The following ARID1B variants were observed in gnomAD, a reference collection of about 807,000 sequenced individuals.
ARID1B encodes AT-rich interaction domain 1B.
In ARID1B, 30 loss-of-function variants were observed where a neutral mutation model predicts 212.3. The observed-to-expected ratio is 0.14, with a 90% CI of 0.11 to 0.19. ARID1B has a LOEUF of 0.19. Ranked by LOEUF, ARID1B falls within the 10% of genes least tolerant of loss-of-function variation. The probability of loss-of-function intolerance (pLI) is 1.00; values close to 1 mark genes in which losing one functional copy is unlikely to be tolerated. For synonymous variants in ARID1B, 1,402 were observed against 1,301.7 expected (o/e 1.08, Z -1.66); for missense variants, 2,891 against 3,204.0 (o/e 0.90, Z 2.36).
chr6:157,063,686 A>G (rs1783496453), intron 4 of ARID1B, among the ~76,000 whole-genome samples: 2 of 152,198 alleles, frequency 1.3e-5, no homozygotes, highest in African/African-American at 4.8e-5. Context: ...TCTCAATTTT[A>G]TTGTTATGTA....
intron 4 of ARID1B, among the ~76,000 whole-genome samples, chr6:157,068,324 A>C (rs996223728): frequency 5.9e-5 from 9 of 152,340 alleles, no homozygotes; most frequent in Middle Eastern, 3.4e-3. Flanking sequence ...CATTATGAAG[A>C]CATTCTCTTC....
At chr6:156,928,791 G>A (rs1482079717) in intron 3 of ARID1B, among the ~76,000 whole-genome samples, 3 of 152,194 alleles carry the variant, frequency 2.0e-5, no homozygotes, top group Admixed American at 1.3e-4. Context: ...CACACCTGTG[G>A]AAGAGAATTT....
At chr6:157,097,814 T>G (rs905636035) in intron 5 of ARID1B, among the ~76,000 whole-genome samples, 2 of 152,176 alleles carry the variant, frequency 1.3e-5, no homozygotes, top group African/African-American at 4.8e-5. Context: ...CTTTTTTTCT[T>G]CTCCCCTTTG....
At chr6:156,929,048 C>T (rs1791483108) in intron 3 of ARID1B, among the ~76,000 whole-genome samples, 1 of 152,210 alleles carries the variant, frequency 6.6e-6, no homozygotes, top group South Asian at 2.1e-4. Context: ...CTTTCAGTTA[C>T]TCCAGCCTAG....
chr6:156,846,557 G>C (rs1029673066), intron 2 of ARID1B, among the ~76,000 whole-genome samples: 2 of 152,092 alleles, frequency 1.3e-5, no homozygotes, highest in African/African-American at 4.8e-5. Context: ...GTGTGTGGAC[G>C]GGGCTGCGGT....
At chr6:156,868,667 G>A (rs1785892895) in intron 2 of ARID1B, among the ~76,000 whole-genome samples, 1 of 152,112 alleles carries the variant, frequency 6.6e-6, no homozygotes, top group East Asian at 1.9e-4. Context: ...GTCACCTCCC[G>A]AAGGCCCCAC....
At chr6:157,055,548 A>T (rs1782905427) in intron 4 of ARID1B, among the ~76,000 whole-genome samples, 1 of 152,234 alleles carries the variant, frequency 6.6e-6, no homozygotes, top group African/African-American at 2.4e-5. Flanking sequence ...GCTAACTTTA[A>T]CAAAAAGGAA....
intron 1 of ARID1B, among the ~76,000 whole-genome samples, chr6:156,795,312 C>T (rs192601092): frequency 5.3e-5 from 8 of 151,960 alleles, no homozygotes; most frequent in African/African-American, 1.9e-4. Flanking sequence ...ATCCATGAGT[C>T]CGAGGAAGTG....
intron 1 of ARID1B, 170 bp downstream of exon 1, chr6:156,779,641 C>T: frequency 1.7e-6 from 1 of 592,500 alleles, no homozygotes; most frequent in Non-Finnish European, 2.2e-6. Flanking sequence ...GTCGGGGCGC[C>T]CCGGGGGCCG....
intron 6 of ARID1B, among the ~76,000 whole-genome samples, chr6:157,123,912 A>G (rs1002711149): frequency 1.3e-5 from 2 of 152,248 alleles, no homozygotes; most frequent in African/African-American, 4.8e-5. Context: ...TGAACTAGTA[A>G]GTGGTGAAGA....
intron 7 of ARID1B, among the ~76,000 whole-genome samples, chr6:157,143,326 A>T (rs182260607): frequency 2.0e-5 from 3 of 152,178 alleles, no homozygotes; most frequent in Non-Finnish European, 2.9e-5. Flanking sequence ...TATTAGAGAA[A>T]CATGGAAATA....
chr6:156,975,795 C>T (rs749267698), intron 4 of ARID1B, among the ~76,000 whole-genome samples: 21 of 151,916 alleles, frequency 1.4e-4, no homozygotes, highest in Non-Finnish European at 1.3e-4. Context: ...GTGCATGTCA[C>T]GAGCGTCCAT....
intron 1 of ARID1B, among the ~76,000 whole-genome samples, chr6:156,803,069 GT>G (rs903006189): frequency 6.6e-6 from 1 of 150,642 alleles, no homozygotes; most frequent in African/African-American, 2.4e-5. Context: ...AACCTATTTT[GT>G]TTTTTTTTAA....
intron 2 of ARID1B, among the ~76,000 whole-genome samples, chr6:156,841,944 T>C (rs1783929548): frequency 6.6e-6 from 1 of 152,218 alleles, no homozygotes; most frequent in African/African-American, 2.4e-5. Context: ...CTGGAATCCT[T>C]GTAACTGACA....
At chr6:157,050,889 G>A (rs1028630587) in intron 4 of ARID1B, among the ~76,000 whole-genome samples, 1 of 152,174 alleles carries the variant, frequency 6.6e-6, no homozygotes, top group Non-Finnish European at 1.5e-5. Context: ...ATTCACACAT[G>A]TATGCATTCT....
rs181328550 is a variant in ARID1B, at chr6:156,891,966, G to A, written c.1987-9410G>A. On this transcript the variant is annotated intron_variant, in intron 2 of 19. Transcript: ENST00000636930. The stretch of plus-strand genomic sequence containing the variant: ...GGCTCACTGCAGTCTCTGCCTCTCC[G>A]GTTCAAGCGATTCTCCTGCCTCACT... Among the ~76,000 whole-genome samples, 562 of 149,790 alleles carry A rather than the reference G, an allele frequency of 3.8e-3. 6 individuals carry two copies. Among genetic ancestry groups the A allele is most frequent in the South Asian group, 0.03 (141 of 4,750 alleles).
intron 5 of ARID1B, among the ~76,000 whole-genome samples, chr6:157,088,194 T>A (rs546424559): frequency 5.8e-4 from 89 of 152,320 alleles, no homozygotes; most frequent in African/African-American, 2.0e-3. Flanking sequence ...GGAGTTGACA[T>A]CTACCTGCCC....
chr6:156,986,403 G>A (rs1270661867), intron 4 of ARID1B, among the ~76,000 whole-genome samples: 1 of 152,166 alleles, frequency 6.6e-6, no homozygotes, highest in Non-Finnish European at 1.5e-5. Context: ...TCCAAAGTTT[G>A]TCTAATTATT....
intron 4 of ARID1B, among the ~76,000 whole-genome samples, chr6:156,974,341 G>T (rs1777101425): frequency 6.6e-6 from 1 of 152,142 alleles, no homozygotes; most frequent in Non-Finnish European, 1.5e-5. Context: ...TGCAAGGGAA[G>T]CATTATTGAC....
Sources: allele counts gnomAD v4.1 joint callset (sites outside exome capture counted in the v4.1 genomes callset), GRCh38; gene constraint gnomAD v4.1.1; transcripts MANE v1.5; gene names NCBI Gene and HGNC (gene_info 2026-07-23, HGNC 2026-07-21).